The following TEK variants were observed in gnomAD, a reference collection of about 807,000 sequenced individuals.
TEK encodes TEK receptor tyrosine kinase.
TEK carries 43 observed loss-of-function variants against 131.8 expected under a neutral mutation model. That is an observed-to-expected ratio of 0.33 (90% CI 0.26 to 0.42). The LOEUF (loss-of-function observed/expected upper bound fraction) is 0.42. Ranked by LOEUF, TEK falls within the 10% of genes least tolerant of loss-of-function variation. The probability of loss-of-function intolerance (pLI) is 1.00; values close to 1 mark genes in which losing one functional copy is unlikely to be tolerated. For synonymous variants in TEK, 580 were observed against 491.6 expected (o/e 1.18, Z -2.38); for missense variants, 1,162 against 1,384.4 (o/e 0.84, Z 2.55).
chr9:27,143,679 A>G (rs986105778), intron 1 of TEK, among the ~76,000 whole-genome samples: 1 of 152,184 alleles, frequency 6.6e-6, no homozygotes, highest in Non-Finnish European at 1.5e-5. Flanking sequence ...ACATATATAT[A>G]TATGTACACA....
At chr9:27,116,930 C>A (rs560324058) in intron 1 of TEK, among the ~76,000 whole-genome samples, 1 of 145,612 alleles carries the variant, frequency 6.9e-6, no homozygotes, top group Admixed American at 7.1e-5. Flanking sequence ...GGTGCGATCT[C>A]GGCTCACTGC....
chr9:27,228,501 G>C (rs893353768), intron 22 of TEK, among the ~76,000 whole-genome samples, 196 bp downstream of exon 22: 23 of 152,110 alleles, frequency 1.5e-4, no homozygotes, highest in Non-Finnish European at 3.4e-4. Context: ...TTCTATACAA[G>C]ATACAGTCAC....
At position 27,190,136 on chromosome 9, in the gene TEK, G is replaced by A. The variant is rs549957284; in HGVS notation, c.1328-393G>A. On this transcript the variant is annotated intron_variant, in intron 9 of 22. Coordinates refer to ENST00000380036, the MANE Select transcript of TEK (RefSeq NM_000459.5). ...CAATCAATCTAAAGAAAGGAGGTTCGTGCTTTGTTAGTTGGATGAAGTGAA... is the reference window on the plus strand; with the variant it reads ...CAATCAATCTAAAGAAAGGAGGTTCATGCTTTGTTAGTTGGATGAAGTGAA... Among the ~76,000 whole-genome samples, 36 of 152,250 alleles carry A rather than the reference G, an allele frequency of 2.4e-4. 1 individual carries two copies. The highest frequency in any genetic ancestry group is 1.6e-3 in the Admixed American group (25 of 15,262).
At chr9:27,220,244 C>CACAA in intron 21 of TEK, 99 bp downstream of exon 21, 1 of 1,043,962 alleles carries the variant, frequency 9.6e-7, no homozygotes, top group Non-Finnish European at 1.5e-6. Flanking sequence ...ATACACTATA[C>CACAA]ACAAACACCT....
chr9:27,159,059 G>T (rs1823448710), intron 2 of TEK, among the ~76,000 whole-genome samples: 1 of 152,186 alleles, frequency 6.6e-6, no homozygotes, highest in East Asian at 1.9e-4. Context: ...GTCTAAGTCA[G>T]CTGTGTTGAT....
chr9:27,203,218 T>C (rs140537765), intron 13 of TEK, 99 bp downstream of exon 13: 17 of 1,387,600 alleles, frequency 1.2e-5, no homozygotes, highest in African/African-American at 5.7e-5. Context: ...CTATGAAAAG[T>C]CGGTGGTTGA....
chr9:27,206,090 G>C (rs1284657283), intron 14 of TEK, among the ~76,000 whole-genome samples: 1 of 152,212 alleles, frequency 6.6e-6, no homozygotes, highest in Non-Finnish European at 1.5e-5. Flanking sequence ...GGCCAGAGTG[G>C]ACTTAGAGAT....
intron 1 of TEK, among the ~76,000 whole-genome samples, chr9:27,115,556 G>A (rs1428752439): frequency 6.6e-6 from 1 of 152,084 alleles, no homozygotes; most frequent in East Asian, 1.9e-4. Context: ...TTAATTAAAT[G>A]TCTAAAAACG....
At position 27,219,963 on chromosome 9, in the gene TEK, C is replaced by G. The variant is rs1167653158; in HGVS notation, c.3104-86C>G. ...TCTCTTGCCATACCATGTCTTCCTC[C>G]TGGCCCCTTATATTTAGAAACCCTG... On this transcript the variant is annotated intron_variant, in intron 20 of 22. Transcript: ENST00000380036. The G allele has an allele frequency of 1.1e-5, 15 of 1,392,618 alleles. No homozygotes were observed. In the East Asian group the frequency reaches 3.0e-4, roughly 28 times the overall value. 86.3% of individuals were successfully genotyped at this position (1,392,618 alleles called of 1,614,324 possible). A position where few individuals can be genotyped will look rare whatever the true frequency, so the allele number is the denominator to read the frequency against.
intron 16 of TEK, among the ~76,000 whole-genome samples, chr9:27,210,927 G>C (rs1825589499): frequency 6.6e-6 from 1 of 151,940 alleles, no homozygotes; most frequent in African/African-American, 2.4e-5. Flanking sequence ...GACCATCCTG[G>C]CCAACCAACA....
intron 1 of TEK, among the ~76,000 whole-genome samples, chr9:27,121,452 ATTTTTTT>A (rs920886668): frequency 1.8e-4 from 27 of 149,532 alleles, no homozygotes; most frequent in Non-Finnish European, 2.7e-4. Context: ...TCATAAATAA[ATTTTTTT>A]TTTATTTTAT....
intron 16 of TEK, among the ~76,000 whole-genome samples, chr9:27,211,993 T>TGA (rs1554701295): frequency 6.9e-6 from 1 of 144,054 alleles, no homozygotes; most frequent in African/African-American, 2.6e-5. Flanking sequence ...AACGTTTTAT[T>TGA]AAAAAAAAAA....
intron 1 of TEK, among the ~76,000 whole-genome samples, chr9:27,115,441 G>T (rs193037177): frequency 6.6e-6 from 1 of 152,156 alleles, no homozygotes; most frequent in Non-Finnish European, 1.5e-5. Context: ...CAAGGCTGCA[G>T]TGAGCCATGA....
At chr9:27,170,881 A>G (rs1021413419) in intron 4 of TEK, among the ~76,000 whole-genome samples, 1 of 152,218 alleles carries the variant, frequency 6.6e-6, no homozygotes, top group African/African-American at 2.4e-5. Flanking sequence ...CGTTACAGGC[A>G]CTAGAAGCTC....
chr9:27,211,219 A>G lies in TEK; in HGVS notation c.2687-1488A>G, dbSNP rs917805001. Among the ~76,000 whole-genome samples the G allele has an allele frequency of 2.6e-3, 388 of 148,584 alleles. 4 individuals are homozygous for G. Among genetic ancestry groups the G allele is most frequent in the African/African-American group, 9.1e-3 (371 of 40,900 alleles). On this transcript the variant is annotated intron_variant, in intron 16 of 22. Transcript: ENST00000380036. ...TATATATATGAATATATGTGTATATATATGAATATATGTGCATATATATGT... is the reference window on the plus strand; with the variant it reads ...TATATATATGAATATATGTGTATATGTATGAATATATGTGCATATATATGT...
rs779299047 is a variant in TEK at position 27,183,409 on chromosome 9, T to A, written c.1031-50T>A. Reference sequence around the variant, plus strand: ...TAGCTATTTTTATTATTACTACTGCTGCTGGCTCTGTTAAATATTAGATTT... The same window carrying A: ...TAGCTATTTTTATTATTACTACTGCAGCTGGCTCTGTTAAATATTAGATTT... On this transcript the variant is annotated intron_variant, in intron 7 of 22. Coordinates refer to ENST00000380036, the MANE Select transcript of TEK (RefSeq NM_000459.5). 8 of 1,593,610 alleles carry A rather than the reference T, an allele frequency of 5.0e-6. No individual in the cohort carries two copies. In the South Asian group the frequency reaches 7.7e-5, roughly 15 times the overall value.
At chr9:27,118,305 G>C (rs1252359934) in intron 1 of TEK, among the ~76,000 whole-genome samples, 2 of 152,064 alleles carry the variant, frequency 1.3e-5, no homozygotes, top group African/African-American at 2.4e-5. Flanking sequence ...GGGAAACCAA[G>C]GCTCACAAAG....
At chr9:27,189,859 G>T (rs140054223) in intron 9 of TEK, among the ~76,000 whole-genome samples, 33 of 151,538 alleles carry the variant, frequency 2.2e-4, no homozygotes, top group East Asian at 1.9e-3. Flanking sequence ...GAAAGAGAGA[G>T]ATATATATAT....
chr9:27,125,542 GCAGTTGAGAACA>G (rs1289024008), intron 1 of TEK, among the ~76,000 whole-genome samples: 1 of 152,082 alleles, frequency 6.6e-6, no homozygotes, highest in Non-Finnish European at 1.5e-5. Context: ...TTATGCCCAG[GCAGTTGAGAACA>G]CAGACTCCGG....
Sources: allele counts gnomAD v4.1 joint callset (sites outside exome capture counted in the v4.1 genomes callset), GRCh38; gene constraint gnomAD v4.1.1; transcripts MANE v1.5; gene names NCBI Gene and HGNC (gene_info 2026-07-23, HGNC 2026-07-21).